Variants in LUZP2 observed in about 807,000 individuals in gnomAD.
LUZP2 encodes leucine zipper protein 2.
A neutral mutation model predicts 51.6 loss-of-function variants in LUZP2; 52 were observed. That is an observed-to-expected ratio of 1.01 (90% confidence interval 0.81 to 1.27). The LOEUF is 1.27. Among genes scored for constraint, LUZP2 ranks in the 50% most tolerant of loss-of-function variants. The pLI is 0.00. For missense variants in LUZP2, 436 were observed against 395.4 expected (o/e 1.10, Z -0.87); for synonymous variants, 154 against 137.3 (o/e 1.12, Z -0.85).
intron 7 of LUZP2, among the ~76,000 whole-genome samples, chr11:24,928,347 G>C (rs1386984043): frequency 6.6e-6 from 1 of 151,220 alleles, no homozygotes; most frequent in Non-Finnish European, 1.5e-5. Context: ...ACTTCTCCTT[G>C]TTTAGTACTG....
intron 4 of LUZP2, among the ~76,000 whole-genome samples, chr11:24,741,063 AT>A (rs1232575079): frequency 6.6e-6 from 1 of 152,152 alleles, no homozygotes; most frequent in Non-Finnish European, 1.5e-5. Context: ...TAAAAGGACT[AT>A]TAAAATAATA....
intron 9 of LUZP2, among the ~76,000 whole-genome samples, chr11:25,035,930 T>C (rs1185809889): frequency 6.6e-6 from 1 of 152,106 alleles, no homozygotes; most frequent in Non-Finnish European, 1.5e-5. Context: ...ACATTTTTTG[T>C]TGTCATTGTG....
chr11:24,941,811 A>G (rs577213173), intron 7 of LUZP2, among the ~76,000 whole-genome samples: 3 of 152,122 alleles, frequency 2.0e-5, no homozygotes, highest in African/African-American at 7.2e-5. Flanking sequence ...TTTCAGTTGG[A>G]CAATTTATTG....
At chr11:24,990,487 T>C (rs1856306179) in intron 9 of LUZP2, among the ~76,000 whole-genome samples, 1 of 152,164 alleles carries the variant, frequency 6.6e-6, no homozygotes, top group East Asian at 1.9e-4. Context: ...ATTGGTAATA[T>C]ATGGTTCAAA....
chr11:25,003,032 G>T (rs974162036), intron 9 of LUZP2, among the ~76,000 whole-genome samples: 23 of 152,178 alleles, frequency 1.5e-4, no homozygotes, highest in African/African-American at 5.3e-4. Context: ...CTTACGGAGG[G>T]CCCTGGTTCC....
chr11:24,875,954 GT>G (rs1321889662), intron 5 of LUZP2, among the ~76,000 whole-genome samples: 1 of 150,892 alleles, frequency 6.6e-6, no homozygotes, highest in Non-Finnish European at 1.5e-5. Flanking sequence ...GGGGTTGTTT[GT>G]TTTTTTCTTG....
chr11:24,608,762 A>T (rs966346314), intron 1 of LUZP2, among the ~76,000 whole-genome samples: 1 of 152,214 alleles, frequency 6.6e-6, no homozygotes, highest in Non-Finnish European at 1.5e-5. Flanking sequence ...CAAACTATAG[A>T]CTTAAATTTT....
chr11:24,918,419 T>C (rs1853873192), intron 7 of LUZP2, among the ~76,000 whole-genome samples: 1 of 151,996 alleles, frequency 6.6e-6, no homozygotes, highest in Non-Finnish European at 1.5e-5. Context: ...GTGCCGGTTT[T>C]CAAAGGGAAT....
At chr11:25,041,838 C>T (rs1565269597) in intron 9 of LUZP2, among the ~76,000 whole-genome samples, 1 of 152,188 alleles carries the variant, frequency 6.6e-6, no homozygotes, top group Non-Finnish European at 1.5e-5. Context: ...GGTGAGCAAG[C>T]ATTACCACCT....
chr11:25,026,894 A>T (rs1239111353), intron 9 of LUZP2, among the ~76,000 whole-genome samples: 42 of 148,084 alleles, frequency 2.8e-4, no homozygotes, highest in African/African-American at 9.1e-4. Flanking sequence ...TTCTTTATTT[A>T]TTTTTTTATT....
chr11:24,606,562 G>A (rs1372404423), intron 1 of LUZP2, among the ~76,000 whole-genome samples: 1 of 151,952 alleles, frequency 6.6e-6, no homozygotes, highest in Non-Finnish European at 1.5e-5. Flanking sequence ...ATGCTTAGGT[G>A]TTTTCATATC....
chr11:24,550,620 T>A (rs979971588), intron 1 of LUZP2, among the ~76,000 whole-genome samples: 1 of 152,120 alleles, frequency 6.6e-6, no homozygotes, highest in African/African-American at 2.4e-5. Context: ...TTAAAACAGG[T>A]CACCACTGTA....
At chr11:24,735,007 C>T (rs1001112118) in intron 3 of LUZP2, among the ~76,000 whole-genome samples, 3 of 151,748 alleles carry the variant, frequency 2.0e-5, no homozygotes, top group Non-Finnish European at 2.9e-5. Flanking sequence ...AGGTGGCCAC[C>T]GAAACAAAAA....
intron 7 of LUZP2, among the ~76,000 whole-genome samples, chr11:24,915,755 C>G (rs1210088404): frequency 6.6e-6 from 1 of 151,848 alleles, no homozygotes; most frequent in Non-Finnish European, 1.5e-5. Flanking sequence ...AGAAACTCAA[C>G]TGTTAGGTTA....
rs534374036 is a variant in LUZP2, at chr11:25,081,643, A to G, written c.*2985A>G. The G allele has an allele frequency of 1.3e-5, 2 of 152,252 alleles. No individual in the cohort carries two copies. The highest frequency in any genetic ancestry group is 2.9e-5 in the Non-Finnish European group (2 of 68,004). 9.4% of individuals were successfully genotyped at this position (152,252 alleles called of 1,614,324 possible). On this transcript the variant is annotated 3_prime_UTR_variant, in exon 12 of 12. Coordinates refer to ENST00000336930, the MANE Select transcript of LUZP2 (RefSeq NM_001009909.4). ...CTATGAGAGAGGGGCCATTTCTCAC[A>G]TATTTTAATTAACAACTAAATAAAC...
rs1853741563 is a variant in LUZP2, at chr11:24,914,651, A to T, written c.522+113A>T. ...GGAATTTCTCATGAATTGGAGTTGCATTTGACTGCATTAGAAATACTTTCA... is the reference window on the plus strand; with the variant it reads ...GGAATTTCTCATGAATTGGAGTTGCTTTTGACTGCATTAGAAATACTTTCA... On this transcript the variant is annotated intron_variant, in intron 7 of 11. Coordinates refer to ENST00000336930, the MANE Select transcript of LUZP2 (RefSeq NM_001009909.4). The T allele has an allele frequency of 5.8e-6, 4 of 688,812 alleles. No individual in the cohort carries two copies. In the Admixed American group the frequency reaches 9.4e-5, roughly 16 times the overall value. 42.7% of individuals were successfully genotyped at this position (688,812 alleles called of 1,614,324 possible). A position where few individuals can be genotyped will look rare whatever the true frequency, so the allele number is the denominator to read the frequency against.
At chr11:24,558,423 T>C (rs958257689) in intron 1 of LUZP2, among the ~76,000 whole-genome samples, 1 of 150,194 alleles carries the variant, frequency 6.7e-6, no homozygotes, top group Admixed American at 6.7e-5. Context: ...CAGTTCTGTC[T>C]CTCTGGAGAA....
chr11:24,786,011 C>T (rs1347304749), intron 5 of LUZP2: 11 of 985,258 alleles, frequency 1.1e-5, no homozygotes, highest in Non-Finnish European at 1.3e-5. Flanking sequence ...AAGTGGTACC[C>T]AGAGTTGGGG....
intron 5 of LUZP2, among the ~76,000 whole-genome samples, chr11:24,796,578 A>T (rs1169059989): frequency 6.6e-6 from 1 of 151,376 alleles, no homozygotes; most frequent in Non-Finnish European, 1.5e-5. Flanking sequence ...GAGAAAAAAA[A>T]AAAAAGGAAA....
Sources: allele counts gnomAD v4.1 joint callset (sites outside exome capture counted in the v4.1 genomes callset), GRCh38; gene constraint gnomAD v4.1.1; transcripts MANE v1.5; gene names NCBI Gene and HGNC (gene_info 2026-07-23, HGNC 2026-07-21).